The following POLR1C variants were observed in gnomAD, a reference collection of about 807,000 sequenced individuals.
The protein encoded by POLR1C is DNA-directed RNA polymerases I and III subunit RPAC1.
Under a neutral mutation model 38.3 loss-of-function variants are expected in POLR1C, and 42 were observed. That is an observed-to-expected ratio of 1.10 (90% CI 0.86 to 1.42). POLR1C has a LOEUF of 1.42. POLR1C is among the 40% of genes most tolerant of loss of function. The pLI, the probability that POLR1C is intolerant of heterozygous loss-of-function variation, is 0.00. For missense variants in POLR1C, 507 were observed against 450.5 expected, an observed-to-expected ratio of 1.13 and a Z score of -1.14; for synonymous variants, 163 against 163.9, an observed-to-expected ratio of 0.99 and a Z score of 0.04.
chr6:43,548,356 A>G (rs1279155149), intron 9 of POLR1C: 1 of 1,613,636 alleles, frequency 6.2e-7, no homozygotes, highest in African/African-American at 1.3e-5. Context: ...ATTGGTTGCT[A>G]ATGAGAACCA....
rs1166202990 is a variant in POLR1C, at chr6:43,521,351, C to T, written c.*51C>T. On this transcript the variant is annotated 3_prime_UTR_variant, in exon 9 of 9. Coordinates refer to ENST00000642195, the MANE Select transcript of POLR1C (RefSeq NM_203290.4). Reference sequence around the variant, plus strand: ...AAGCTTTGGGTTCTGACTGACCCACCCTACAGGACTGCTGAACAGAGAGCC... The same window carrying T: ...AAGCTTTGGGTTCTGACTGACCCACTCTACAGGACTGCTGAACAGAGAGCC... 1.2e-6 allele frequency: 2 copies of T among 1,611,004 alleles called. No individual in the cohort carries two copies. The highest frequency in any genetic ancestry group is 8.5e-7 in the Non-Finnish European group (1 of 1,179,690).
intron 8 of POLR1C, chr6:43,529,115 T>A (rs1793781968): frequency 2.7e-6 from 3 of 1,131,906 alleles, no homozygotes. Flanking sequence ...TTGAATTCCA[T>A]TATACTCTTA....
chr6:43,523,315 T>C (rs1207991641), downstream of POLR1C: 2 of 235,294 alleles, frequency 8.5e-6, no homozygotes, highest in African/African-American at 4.5e-5. Flanking sequence ...CAAAGCAAAG[T>C]TGAGAGAACT....
Position 43,529,063 on chromosome 6 carries a change from A to C in POLR1C, c.923-186A>C, listed in dbSNP as rs575564678. 7.8e-5 allele frequency: 86 copies of C among 1,108,240 alleles called. No homozygotes were observed. The African/African-American group carries it at 9.8e-4, about 13-fold the overall frequency. The allele number at this position is 1,108,240 out of a possible 1,614,324, so 68.7% of individuals were successfully genotyped here. A position where few individuals can be genotyped will look rare whatever the true frequency, so the allele number is the denominator to read the frequency against. The stretch of plus-strand genomic sequence containing the variant: ...AAATATCCTGTGTTAACAGTGAAAA[A>C]ATCTTAAAGTTCTTTTCCTAAAATC... On this transcript the variant is annotated intron_variant, in intron 8 of 8. Coordinates refer to the POLR1C transcript ENST00000304004.
At chr6:43,553,588 C>G in intron 10 of POLR1C, 1 of 1,488,954 alleles carries the variant, frequency 6.7e-7, no homozygotes, top group Admixed American at 2.2e-5. Context: ...CACAGAGAGA[C>G]AATGGAGCCT....
chr6:43,559,464 T>C (rs979598312), intron 10 of POLR1C, among the ~76,000 whole-genome samples: 3 of 152,204 alleles, frequency 2.0e-5, no homozygotes, highest in Non-Finnish European at 4.4e-5. Context: ...TCTACTGAGG[T>C]AGTGAGCAAT....
intron 8 of POLR1C, chr6:43,529,212 A>T: frequency 7.0e-7 from 1 of 1,420,990 alleles, no homozygotes; most frequent in Non-Finnish European, 9.4e-7. Context: ...ACATCCTTGT[A>T]ACAAACTCTC....
chr6:43,522,704 G>A, downstream of POLR1C: 1 of 499,868 alleles, frequency 2.0e-6, no homozygotes, highest in South Asian at 1.5e-5. Flanking sequence ...TCGGCTCTCG[G>A]GGAAACCCTC....
chr6:43,546,737 A>G, intron 9 of POLR1C: 1 of 1,598,644 alleles, frequency 6.3e-7, no homozygotes. Flanking sequence ...AGAATGCTGT[A>G]TACACAAAAG....
At chr6:43,542,981 A>C (rs901138955) in intron 9 of POLR1C, among the ~76,000 whole-genome samples, 1 of 152,222 alleles carries the variant, frequency 6.6e-6, no homozygotes, top group Non-Finnish European at 1.5e-5. Flanking sequence ...TCAAGGCTGA[A>C]TAGTTACAGC....
chr6:43,520,199 G>A lies in POLR1C; in HGVS notation c.502+14G>A, dbSNP rs1793069150. ...TGAACCACAAAGGTGAGTAGTGGTA[G>A]GGTGAGGAAGAGGCCCCACCTGTGG... On this transcript the variant is annotated intron_variant, in intron 5 of 8. Transcript: ENST00000642195. 6.2e-7 allele frequency: 1 copy of A among 1,614,092 alleles called. No individual in the cohort carries two copies. Among genetic ancestry groups the A allele is most frequent in the Admixed American group, 1.7e-5 (1 of 60,000 alleles).
intron 9 of POLR1C, chr6:43,547,752 C>G: frequency 6.4e-7 from 1 of 1,568,046 alleles, no homozygotes; most frequent in Non-Finnish European, 8.8e-7. Flanking sequence ...TGACTTTAAA[C>G]AAGGACAGTT....
At chr6:43,543,822 G>GC (rs1794831503) in intron 9 of POLR1C, among the ~76,000 whole-genome samples, 2 of 151,862 alleles carry the variant, frequency 1.3e-5, no homozygotes, top group Admixed American at 1.3e-4. Flanking sequence ...GATTACAGGC[G>GC]CCCGCCACCA....
chr6:43,549,568 G>C, intron 9 of POLR1C: 1 of 1,613,104 alleles, frequency 6.2e-7, no homozygotes, highest in Non-Finnish European at 8.5e-7. Flanking sequence ...CACTGCCCGG[G>C]TTCTGGGGGC....
At chr6:43,533,849 AG>A, downstream of POLR1C, 1 of 1,317,488 alleles carries the variant, frequency 7.6e-7, no homozygotes, top group Non-Finnish European at 1.1e-6. Context: ...CAACAAAAAA[AG>A]GGGACATCCA....
chr6:43,551,533 C>G (rs1248587373), intron 10 of POLR1C: 3 of 1,540,226 alleles, frequency 1.9e-6, no homozygotes, highest in Non-Finnish European at 2.7e-6. Context: ...TTATTTTCAT[C>G]TTTTAAAGAG....
chr6:43,523,809 C>G (rs1225482464), downstream of POLR1C: 2 of 1,613,522 alleles, frequency 1.2e-6, no homozygotes, highest in Admixed American at 3.3e-5. Context: ...TAGAGATCGG[C>G]TACAAAGGGA....
At chr6:43,525,104 T>C, downstream of POLR1C, 2 of 1,571,840 alleles carry the variant, frequency 1.3e-6, no homozygotes, top group Non-Finnish European at 1.7e-6. Flanking sequence ...TGAATAACCA[T>C]ACTTGTTTGA....
chr6:43,554,655 C>T (rs1468536793), intron 10 of POLR1C, among the ~76,000 whole-genome samples: 1 of 152,096 alleles, frequency 6.6e-6, no homozygotes, highest in East Asian at 1.9e-4. Context: ...AACTCCTGAC[C>T]TCAGGTGATC....
Sources: gnomAD v4.1 joint callset for allele counts (sites outside exome capture counted in the v4.1 genomes callset) on GRCh38, gnomAD v4.1.1 for gene constraint, MANE v1.5 for transcripts, NCBI Gene and HGNC (gene_info 2026-07-23, HGNC 2026-07-21) for gene names.